The following FGF14 variants were observed in gnomAD, a reference collection of about 807,000 sequenced individuals.
The protein encoded by FGF14 is fibroblast growth factor homologous factor 4.
Under a neutral mutation model 25.5 loss-of-function variants are expected in FGF14, and 5 were observed. That is an observed-to-expected ratio of 0.20 (90% CI 0.10 to 0.41). The LOEUF (loss-of-function observed/expected upper bound fraction) is 0.41. Among genes scored for constraint, FGF14 ranks in the 10% least tolerant of loss-of-function variants. The pLI, the probability that FGF14 is intolerant of heterozygous loss-of-function variation, is 1.00. For synonymous variants in FGF14, 138 were observed against 118.3 expected (o/e 1.17, Z -1.08); for missense variants, 222 against 320.1 (o/e 0.69, Z 2.34).
At chr13:102,160,720 G>A (rs2047584674) in intron 1 of FGF14, among the ~76,000 whole-genome samples, 1 of 151,968 alleles carries the variant, frequency 6.6e-6, no homozygotes, top group Non-Finnish European at 1.5e-5. Context: ...CAAACCAAAA[G>A]TCCCTAGAAT....
chr13:102,108,937 T>C (rs568193652), intron 1 of FGF14, among the ~76,000 whole-genome samples: 1 of 152,296 alleles, frequency 6.6e-6, no homozygotes, highest in East Asian at 1.9e-4. Context: ...GACCTCTCAA[T>C]CTGACTTATC....
rs530143348 is a variant in FGF14 at position 101,786,307 on chromosome 13, T to A, written c.409-59497A>T. Among the ~76,000 whole-genome samples, 25 of 152,332 alleles carry A rather than the reference T, an allele frequency of 1.6e-4. No individual in the cohort carries two copies. The East Asian group carries it at 4.4e-3, about 27-fold the overall frequency. On this transcript the variant is annotated intron_variant, in intron 3 of 4. Coordinates refer to ENST00000376143, the MANE Select transcript of FGF14 (RefSeq NM_004115.4). ...TTTTACATAGGGAAAGACTTAATTA[T>A]TTGCTTAGAGATTTCTGATGATTCT...
At chr13:101,924,096 A>G (rs560239034) in intron 1 of FGF14, among the ~76,000 whole-genome samples, 30 of 152,142 alleles carry the variant, frequency 2.0e-4, no homozygotes, top group Non-Finnish European at 3.5e-4. Context: ...ATAATAGATC[A>G]GTGAATTTTT....
At chr13:102,129,160 G>C (rs1460750719) in intron 1 of FGF14, among the ~76,000 whole-genome samples, 3 of 152,126 alleles carry the variant, frequency 2.0e-5, no homozygotes, top group Non-Finnish European at 4.4e-5. Flanking sequence ...TGAGGCAGGA[G>C]AATCACTTGA....
At chr13:101,873,045 A>G (rs748486682) in intron 2 of FGF14, among the ~76,000 whole-genome samples, 1 of 151,742 alleles carries the variant, frequency 6.6e-6, no homozygotes, top group Non-Finnish European at 1.5e-5. Context: ...AAAAAAACAT[A>G]TATTTACAGA....
chr13:101,937,426 A>G (rs974209825), intron 1 of FGF14, among the ~76,000 whole-genome samples: 1 of 152,198 alleles, frequency 6.6e-6, no homozygotes, highest in Non-Finnish European at 1.5e-5. Context: ...GGACACACAG[A>G]GATCCCAGGG....
chr13:101,794,540 G>C (rs1266594731), intron 3 of FGF14, among the ~76,000 whole-genome samples: 1 of 148,858 alleles, frequency 6.7e-6, no homozygotes, highest in Non-Finnish European at 1.5e-5. Context: ...GGGCTTCTCT[G>C]CTTTAGCAGC....
At chr13:102,383,419 C>T (rs1177396276) in intron 1 of FGF14, among the ~76,000 whole-genome samples, 1 of 152,150 alleles carries the variant, frequency 6.6e-6, no homozygotes, top group Non-Finnish European at 1.5e-5. Context: ...AACCAATTTC[C>T]AGTCATAACC....
intron 3 of FGF14, among the ~76,000 whole-genome samples, chr13:101,817,435 C>G (rs892611311): frequency 4.6e-5 from 7 of 152,022 alleles, no homozygotes; most frequent in Non-Finnish European, 1.0e-4. Context: ...GACTTATCTT[C>G]AAATTTAAAA....
chr13:102,374,210 C>T (rs893707510), intron 1 of FGF14, among the ~76,000 whole-genome samples: 1 of 152,076 alleles, frequency 6.6e-6, no homozygotes, highest in African/African-American at 2.4e-5. Flanking sequence ...AAAGAAGATG[C>T]TGCTATTATT....
At chr13:102,184,299 T>A (rs188991324) in intron 1 of FGF14, among the ~76,000 whole-genome samples, 1 of 151,786 alleles carries the variant, frequency 6.6e-6, no homozygotes, top group Admixed American at 6.6e-5. Context: ...GAAGGGTGCA[T>A]GGAAGAAAGG....
intron 1 of FGF14, among the ~76,000 whole-genome samples, chr13:102,089,715 G>C (rs1566671473): frequency 1.3e-5 from 2 of 152,110 alleles, no homozygotes; most frequent in Non-Finnish European, 2.9e-5. Context: ...GCACAATTCT[G>C]TTTCATCAAA....
intron 3 of FGF14, among the ~76,000 whole-genome samples, chr13:101,789,045 T>A (rs1488373291): frequency 1.3e-5 from 2 of 150,400 alleles, no homozygotes; most frequent in African/African-American, 4.9e-5. Flanking sequence ...GAACGACCCA[T>A]GATTTGGTTT....
chr13:101,805,693 CACAG>C (rs1279838071), intron 3 of FGF14, among the ~76,000 whole-genome samples: 5 of 152,106 alleles, frequency 3.3e-5, no homozygotes, highest in South Asian at 4.1e-4. Flanking sequence ...ATCAAAATTG[CACAG>C]ACAACCAGTG....
At chr13:101,737,653 A>G (rs945405290) in intron 3 of FGF14, among the ~76,000 whole-genome samples, 1 of 152,154 alleles carries the variant, frequency 6.6e-6, no homozygotes, top group African/African-American at 2.4e-5. Flanking sequence ...GCTGGAGTCT[A>G]TGAATAAAAA....
intron 1 of FGF14, among the ~76,000 whole-genome samples, chr13:102,052,541 A>T (rs1405072988): frequency 1.3e-5 from 2 of 152,008 alleles, no homozygotes; most frequent in East Asian, 3.8e-4. Context: ...AGAGAAAAAA[A>T]AGCAAATCAT....
chr13:102,109,049 T>A (rs918415844), intron 1 of FGF14, among the ~76,000 whole-genome samples: 1 of 152,154 alleles, frequency 6.6e-6, no homozygotes, highest in African/African-American at 2.4e-5. Flanking sequence ...CATAAACATA[T>A]AAGTAAAGTA....
chr13:101,758,977 C>T (rs991419532), intron 3 of FGF14, among the ~76,000 whole-genome samples: 3 of 152,210 alleles, frequency 2.0e-5, no homozygotes, highest in African/African-American at 7.2e-5. Context: ...AACAAAAGCA[C>T]CTTTTCCATG....
chr13:101,968,604 C>T (rs1259532870), intron 1 of FGF14, among the ~76,000 whole-genome samples: 3 of 141,770 alleles, frequency 2.1e-5, no homozygotes, highest in East Asian at 2.4e-4. Flanking sequence ...ACCTGGGAGA[C>T]GGAGCTTGCA....
Sources: allele counts gnomAD v4.1 joint callset (sites outside exome capture counted in the v4.1 genomes callset), GRCh38; gene constraint gnomAD v4.1.1; transcripts MANE v1.5; gene names NCBI Gene and HGNC (gene_info 2026-07-23, HGNC 2026-07-21).